The following ANXA1 variants were observed in gnomAD, a reference collection of about 807,000 sequenced individuals.
ANXA1 encodes annexin A1, also known as annexin I (lipocortin I).
ANXA1 carries 39 observed loss-of-function variants against 47.9 expected under a neutral mutation model. The ratio of observed to expected loss-of-function variants is 0.81; its 90% confidence interval spans 0.63 to 1.06. ANXA1 has a LOEUF of 1.06. Ranked by LOEUF, ANXA1 falls within the 50% of genes least tolerant of loss-of-function variation. The pLI is 0.00. For synonymous variants in ANXA1, 146 were observed against 142.5 expected (o/e 1.02, Z -0.17); for missense variants, 446 against 422.7 (o/e 1.06, Z -0.48).
chr9:73,155,034 C>T (rs2795112), intron 1 of ANXA1, among the ~76,000 whole-genome samples: 5 of 151,886 alleles, frequency 3.3e-5, no homozygotes, highest in South Asian at 2.1e-4. Context: ...AAAAATGAAG[C>T]GGGGGGACTC....
intron 3 of ANXA1, 82 bp downstream of exon 3, chr9:73,158,885 A>G: frequency 9.3e-7 from 1 of 1,073,778 alleles, no homozygotes; most frequent in South Asian, 1.4e-5. Flanking sequence ...AGACATGTGC[A>G]ATGGAAAGAA....
At chr9:73,168,841 A>G in intron 11 of ANXA1, 191 bp from the exon 12 acceptor site, 1 of 475,496 alleles carries the variant, frequency 2.1e-6, no homozygotes, top group Non-Finnish European at 3.6e-6. Context: ...CCGCTAATGT[A>G]GAGGATTATT....
intron 7 of ANXA1, 28 bp downstream of exon 7, chr9:73,162,889 C>T: frequency 1.3e-6 from 2 of 1,550,194 alleles, no homozygotes; most frequent in Non-Finnish European, 1.8e-6. Flanking sequence ...TAGGAAATGC[C>T]TCTTGTTTTA....
At chr9:73,159,308 C>A in intron 3 of ANXA1, 21 bp from the exon 4 acceptor site, 1 of 1,597,240 alleles carries the variant, frequency 6.3e-7, no homozygotes, top group Non-Finnish European at 8.6e-7. Context: ...GTGTTAAAGG[C>A]TGTTGGCCCT....
At chr9:73,160,715 A>G in intron 5 of ANXA1, 88 bp from the exon 6 acceptor site, 1 of 935,696 alleles carries the variant, frequency 1.1e-6, no homozygotes, top group Non-Finnish European at 1.7e-6. Flanking sequence ...TGACAGAGTC[A>G]AACAAATTTT....
chr9:73,163,426 T>C (rs984155178), intron 7 of ANXA1, 50 bp from the exon 8 acceptor site: 2 of 1,517,604 alleles, frequency 1.3e-6, no homozygotes, highest in African/African-American at 2.8e-5. Context: ...AAGTAAATCA[T>C]GCAATTACAT....
At chr9:73,167,314 C>T (rs1588226482) in intron 10 of ANXA1, among the ~76,000 whole-genome samples, 183 bp from the exon 11 acceptor site, 1 of 152,076 alleles carries the variant, frequency 6.6e-6, no homozygotes, top group African/African-American at 2.4e-5. Context: ...TTCAAAACCA[C>T]CATCTAGAGA....
chr9:73,170,109 C>A lies in ANXA1; in HGVS notation c.*2C>A, dbSNP rs1824298680. The A allele has an allele frequency of 6.2e-7, 1 of 1,602,872 alleles. No homozygotes were observed. The highest frequency in any genetic ancestry group is 8.5e-7 in the Non-Finnish European group (1 of 1,173,396). ...GTGGCTCTTTGTGGAGGAAACTAAACATTCCCTTGATGGTCTCAAGCTATG... is the reference window on the plus strand; with the variant it reads ...GTGGCTCTTTGTGGAGGAAACTAAAAATTCCCTTGATGGTCTCAAGCTATG... On this transcript the variant is annotated 3_prime_UTR_variant, in exon 13 of 13. Transcript: ENST00000257497.
At chr9:73,160,700 C>CTCTG (rs1186063636) in intron 5 of ANXA1, 103 bp from the exon 6 acceptor site, 84 of 768,804 alleles carry the variant, frequency 1.1e-4, no homozygotes, top group Non-Finnish European at 1.7e-4. Context: ...GTGAAATTTA[C>CTCTG]TAAATGACAG....
chr9:73,159,274 G>A lies in ANXA1; in HGVS notation c.176-55G>A. 2.3e-6 allele frequency: 3 copies of A among 1,332,316 alleles called. No individual in the cohort carries two copies. The East Asian group carries it at 6.9e-5, about 31-fold the overall frequency. 82.5% of individuals were successfully genotyped at this position (1,332,316 alleles called of 1,614,324 possible). A position where few individuals can be genotyped will look rare whatever the true frequency, so the allele number is the denominator to read the frequency against. ...GCATCTCAGTAATGAATTATTTTAT[G>A]TCAATTGATGATGAAGAAAATTGGT... is the stretch of plus-strand genomic sequence containing the variant. On this transcript the variant is annotated intron_variant, in intron 3 of 12. Coordinates refer to ENST00000257497, the MANE Select transcript of ANXA1 (RefSeq NM_000700.3).
chr9:73,158,401 C>T (rs1424649616), intron 1 of ANXA1, 121 bp from the exon 2 acceptor site: 1 of 728,444 alleles, frequency 1.4e-6, no homozygotes, highest in Non-Finnish European at 2.3e-6. Context: ...TGTAATTGAT[C>T]CTGGAAAGTA....
chr9:73,158,386 CTAAGTG>C (rs1371419169), intron 1 of ANXA1, 130 bp from the exon 2 acceptor site: 1 of 654,894 alleles, frequency 1.5e-6, no homozygotes, highest in Non-Finnish European at 2.6e-6. Context: ...TGTTATGCTC[CTAAGTG>C]TAATTGATCC....
intron 7 of ANXA1, among the ~76,000 whole-genome samples, 186 bp from the exon 8 acceptor site, chr9:73,163,290 G>A (rs891465398): frequency 1.3e-5 from 2 of 152,114 alleles, no homozygotes; most frequent in African/African-American, 2.4e-5. Flanking sequence ...ATTTCAACAT[G>A]AGGTTTGGAG....
intron 1 of ANXA1, among the ~76,000 whole-genome samples, chr9:73,154,746 A>G (rs1824022901): frequency 6.6e-6 from 1 of 152,208 alleles, no homozygotes; most frequent in African/African-American, 2.4e-5. Flanking sequence ...GCCAAAATAT[A>G]TAACACTTTG....
Position 73,167,388 on chromosome 9 carries a change from A to C in ANXA1, c.803-109A>C, listed in dbSNP as rs1824249154. The C allele has an allele frequency of 4.3e-6, 4 of 919,754 alleles. No individual in the cohort carries two copies. The East Asian group carries it at 9.9e-5, about 23-fold the overall frequency. The allele number at this position is 919,754 out of a possible 1,614,324, so 57.0% of individuals were successfully genotyped here. On this transcript the variant is annotated intron_variant, in intron 10 of 12. Coordinates refer to ENST00000257497, the MANE Select transcript of ANXA1 (RefSeq NM_000700.3). ...GGGAGATGAGAGGTGAAGAATGATG[A>C]TGAGGGATAGAACACTGTTGGCAAA...
chr9:73,167,624 A>C (rs1284493409), intron 11 of ANXA1, 69 bp downstream of exon 11: 10 of 1,398,348 alleles, frequency 7.2e-6, no homozygotes, highest in Non-Finnish European at 8.9e-6. Context: ...AGAAAACCTC[A>C]TGTTGTTTGA....
chr9:73,154,489 G>A, intron 1 of ANXA1: 1 of 664,162 alleles, frequency 1.5e-6, no homozygotes, highest in Non-Finnish European at 2.3e-6. Flanking sequence ...AGGATGGAGT[G>A]TAGTGGTACA....
intron 4 of ANXA1, 94 bp downstream of exon 4, chr9:73,159,517 T>A: frequency 9.9e-7 from 1 of 1,011,412 alleles, no homozygotes; most frequent in Non-Finnish European, 1.5e-6. Context: ...TTTAAGGTTC[T>A]AACCACTGTT....
At chr9:73,163,683 A>G in intron 8 of ANXA1, 151 bp downstream of exon 8, 2 of 699,222 alleles carry the variant, frequency 2.9e-6, no homozygotes, top group Non-Finnish European at 4.6e-6. Context: ...GTCTTTCTGT[A>G]GCCCCCACAC....
Sources: gnomAD v4.1 joint callset for allele counts (sites outside exome capture counted in the v4.1 genomes callset) on GRCh38, gnomAD v4.1.1 for gene constraint, MANE v1.5 for transcripts, NCBI Gene and HGNC (gene_info 2026-07-23, HGNC 2026-07-21) for gene names.